Variants in ARID3A observed in about 807,000 individuals in gnomAD.
The protein encoded by ARID3A is AT-rich interaction domain 3A, also known as AT-rich interactive domain-containing protein 3A.
Under a neutral mutation model 52.7 loss-of-function variants are expected in ARID3A, and 11 were observed. The observed-to-expected ratio is 0.21, with a 90% CI of 0.13 to 0.35. ARID3A has a LOEUF of 0.35. Ranked by LOEUF, ARID3A falls within the 10% of genes least tolerant of loss-of-function variation. ARID3A has a pLI of 1.00. For synonymous variants in ARID3A, 404 were observed against 359.4 expected, an observed-to-expected ratio of 1.12 and a Z score of -1.40; for missense variants, 721 against 838.5, an observed-to-expected ratio of 0.86 and a Z score of 1.73.
chr19:963,257 C>T (rs1599422436), intron 4 of ARID3A, among the ~76,000 whole-genome samples: 4 of 152,248 alleles, frequency 2.6e-5, no homozygotes, highest in African/African-American at 9.6e-5. Flanking sequence ...TGGGCAGCAG[C>T]TATGGCCTGG....
intron 1 of ARID3A, among the ~76,000 whole-genome samples, chr19:927,286 G>A (rs1038392486): frequency 6.6e-6 from 1 of 152,102 alleles, no homozygotes; most frequent in Admixed American, 6.5e-5. Context: ...CATAAAATGG[G>A]GGTGGGGGTC....
chr19:960,264 C>T lies in ARID3A; in HGVS notation c.766+100C>T, dbSNP rs371357347. On this transcript the variant is annotated intron_variant, in intron 4 of 8. Transcript: ENST00000263620. This position sits in a 1 kb window ranked among gnomAD's most constrained non-coding sequence, Gnocchi z 4.3. Reference sequence around the variant, plus strand: ...GGTATGTCGGGGCGGTGGTGAGCACCCCGTGGCTGGAGGCATCCAAGGCTC... The same window carrying T: ...GGTATGTCGGGGCGGTGGTGAGCACTCCGTGGCTGGAGGCATCCAAGGCTC... 73 of 1,171,400 alleles carry T rather than the reference C, an allele frequency of 6.2e-5. No individual in the cohort carries two copies. In the African/African-American group the frequency reaches 9.3e-4, roughly 15 times the overall value. 72.6% of individuals were successfully genotyped at this position (1,171,400 alleles called of 1,614,324 possible).
intron 3 of ARID3A, among the ~76,000 whole-genome samples, chr19:948,442 G>C (rs559539190): frequency 3.2e-4 from 49 of 152,216 alleles, no homozygotes; most frequent in Admixed American, 1.5e-3. Context: ...GCGGTCCTGC[G>C]GGGCCACAGC....
chr19:940,325 G>A (rs896177674), intron 3 of ARID3A, among the ~76,000 whole-genome samples: 52 of 152,120 alleles, frequency 3.4e-4, no homozygotes, highest in Non-Finnish European at 1.5e-4. Context: ...AACTCTCATC[G>A]TGCGCTAAGA....
At chr19:932,849 T>A in intron 3 of ARID3A, 107 bp downstream of exon 3, 1 of 1,492,754 alleles carries the variant, frequency 6.7e-7, no homozygotes, top group Non-Finnish European at 8.8e-7. Flanking sequence ...GGCGTCGAGT[T>A]GAGAGCTGGG....
At chr19:945,845 G>A (rs781355535) in intron 3 of ARID3A, among the ~76,000 whole-genome samples, 6 of 152,210 alleles carry the variant, frequency 3.9e-5, no homozygotes, top group Non-Finnish European at 7.3e-5. Context: ...AACCTGGGCT[G>A]GGAGTGATGG....
chr19:953,973 C>T (rs1165474436), intron 3 of ARID3A, among the ~76,000 whole-genome samples: 1 of 152,068 alleles, frequency 6.6e-6, no homozygotes, highest in Admixed American at 6.6e-5. Flanking sequence ...CTCAGGAGAC[C>T]GAGGTGGGAG....
At position 944,729 on chromosome 19, in the gene ARID3A, G is replaced by T. The variant is rs1192887696; in HGVS notation, c.693+11987G>T. ...CAGCCTCGACCTCCCGGGCTCCGGT[G>T]ATCTTCCCGTGTCAGCCTCCTGAGT... On this transcript the variant is annotated intron_variant, in intron 3 of 8. Transcript: ENST00000263620. The surrounding 1 kb of genome is among the most constrained non-coding windows in gnomAD (Gnocchi z 5.9). Among the ~76,000 whole-genome samples the T allele has an allele frequency of 2.0e-5, 3 of 152,156 alleles. No individual in the cohort carries two copies. Among genetic ancestry groups the T allele is most frequent in the Admixed American group, 6.5e-5 (1 of 15,272 alleles).
rs1350277434 is a variant in ARID3A at position 972,136 on chromosome 19, C to T, written c.*71C>T. 7.1e-7 allele frequency: 1 copy of T among 1,403,338 alleles called. No homozygotes were observed. Among genetic ancestry groups the T allele is most frequent in the Non-Finnish European group, 9.4e-7 (1 of 1,061,314 alleles). 86.9% of individuals were successfully genotyped at this position (1,403,338 alleles called of 1,614,324 possible). A position where few individuals can be genotyped will look rare whatever the true frequency, so the allele number is the denominator to read the frequency against. ...GGGCAGGGGGTCCAGGTGGGCCACA[C>T]AGGGGCCAGGATGGCGGAAGATACG... On this transcript the variant is annotated 3_prime_UTR_variant, in exon 9 of 9. Coordinates refer to ENST00000263620, the MANE Select transcript of ARID3A (RefSeq NM_005224.3).
At chr19:970,498 C>CTTTTTTTTT (rs1177419405) in intron 8 of ARID3A, among the ~76,000 whole-genome samples, 2 of 88,346 alleles carry the variant, frequency 2.3e-5, no homozygotes, top group Non-Finnish European at 4.6e-5. Context: ...AATAGTTTTT[C>CTTTTTTTTT]TTTTTTTTTT....
At position 932,503 on chromosome 19, in the gene ARID3A, G is replaced by C. The variant is rs141023843; in HGVS notation, c.454G>C (p.Glu152Gln). The stretch of plus-strand genomic sequence containing the variant: ...GGAGGAGGATTACGAGGATGAGGAG[G>C]AGGAGGAGGACGAGGAGGGGCTGGG... ...EEEEDYEDEE[E>Q]EEDEEGLGPP... Residue 152 changes from glutamate to glutamine, a missense_variant, in exon 3 of 9, where the codon GAG becomes CAG. By Grantham distance (29) the Glu-to-Gln change is conservative. Transcript: ENST00000263620. The C allele has an allele frequency of 3.2e-5, 50 of 1,556,242 alleles. No individual in the cohort carries two copies. Among genetic ancestry groups the C allele is most frequent in the Non-Finnish European group, 4.1e-5 (48 of 1,156,710 alleles).
At chr19:955,917 G>C (rs998729337) in intron 3 of ARID3A, among the ~76,000 whole-genome samples, 2 of 152,118 alleles carry the variant, frequency 1.3e-5, no homozygotes, top group Admixed American at 1.3e-4. Context: ...GTCCAAAATC[G>C]AGGCGTCCGC....
rs1232099909 is a variant in ARID3A, at chr19:947,083, C to G, written c.694-13009C>G. The stretch of plus-strand genomic sequence containing the variant: ...GTGCTGGGATCAAAGGTGGGAGCCA[C>G]TGTGCCCAGCCCACACTGAGATTCT... On this transcript the variant is annotated intron_variant, in intron 3 of 8. Coordinates refer to ENST00000263620, the MANE Select transcript of ARID3A (RefSeq NM_005224.3). This position sits in a 1 kb window ranked among gnomAD's most constrained non-coding sequence, Gnocchi z 6.3. Among the ~76,000 whole-genome samples the G allele has an allele frequency of 6.6e-6, 1 of 152,090 alleles. No individual in the cohort carries two copies. Among genetic ancestry groups the G allele is most frequent in the African/African-American group, 2.4e-5 (1 of 41,406 alleles).
chr19:927,314 G>T (rs890554759), intron 1 of ARID3A, among the ~76,000 whole-genome samples: 13 of 151,104 alleles, frequency 8.6e-5, no homozygotes, highest in Admixed American at 2.6e-4. Flanking sequence ...AAGGGCTCTT[G>T]GGGGGAGGGG....
intron 3 of ARID3A, among the ~76,000 whole-genome samples, chr19:950,647 G>A (rs1020022387): frequency 2.0e-5 from 3 of 152,174 alleles, no homozygotes; most frequent in African/African-American, 7.2e-5. Context: ...GCAGGGGAGA[G>A]ACCTGGTTTG....
At position 929,482 on chromosome 19, in the gene ARID3A, G is replaced by A. The variant is rs747101369; in HGVS notation, c.-47G>A. The A allele has an allele frequency of 6.5e-6, 6 of 924,212 alleles. No homozygotes were observed. The highest frequency in any genetic ancestry group is 2.2e-5 in the South Asian group (1 of 45,804). The allele number at this position is 924,212 out of a possible 1,614,324, so 57.3% of individuals were successfully genotyped here. On this transcript the variant is annotated 5_prime_UTR_variant, in exon 2 of 9. In the 5' UTR this introduces an upstream ATG that the reference lacks. Transcript: ENST00000263620. The surrounding 1 kb of genome is among the most constrained non-coding windows in gnomAD (Gnocchi z 6.2). ...CCCCCGCCGCCCACCCCTAGCGCCC[G>A]TGGTGGTGGTGGTGGTGGTGGTGGT...
In ARID3A at chr19:929,483, T is replaced by C. The variant is rs770789456; in HGVS notation, c.-46T>C. On this transcript the variant is annotated 5_prime_UTR_variant, in exon 2 of 9. Transcript: ENST00000263620. This position sits in a 1 kb window ranked among gnomAD's most constrained non-coding sequence, Gnocchi z 6.2. ...CCCCGCCGCCCACCCCTAGCGCCCG[T>C]GGTGGTGGTGGTGGTGGTGGTGGTG... 9.5e-6 allele frequency: 7 copies of C among 737,652 alleles called. No homozygotes were observed. In the South Asian group the frequency reaches 1.6e-4, roughly 17 times the overall value. The allele number at this position is 737,652 out of a possible 1,614,324, so 45.7% of individuals were successfully genotyped here.
In ARID3A at chr19:941,987, G is replaced by A. The variant is rs10411830; in HGVS notation, c.693+9245G>A. ...CCCTGAAGCATGAGGTCGCGGTGGG[G>A]CCTATTAACCATTAGACCCCCGGGG... On this transcript the variant is annotated intron_variant, in intron 3 of 8. Transcript: ENST00000263620. The surrounding 1 kb of genome is among the most constrained non-coding windows in gnomAD (Gnocchi z 6.9). Among the ~76,000 whole-genome samples, 18,931 of 152,142 alleles carry A rather than the reference G, an allele frequency of 0.12. 1,552 individuals carry two copies. Among genetic ancestry groups the A allele is most frequent in the East Asian group, 0.45 (2,305 of 5,160 alleles).
chr19:973,104 AT>A lies in ARID3A; in HGVS notation c.*1060del, dbSNP rs56404084. On this transcript the variant is annotated 3_prime_UTR_variant, in exon 9 of 9. Transcript: ENST00000263620. ...GGGCTCTCGAGTCAGGGGCCTGGAA[AT>A]TTTTTTTTTTTTTTTTTTTTGAGAC... 1.2e-3 allele frequency: 66 copies of A among 53,670 alleles called. No homozygotes were observed. Among genetic ancestry groups the A allele is most frequent in the Middle Eastern group, 0.045 (2 of 44 alleles). 3.3% of individuals were successfully genotyped at this position (53,670 alleles called of 1,614,324 possible).
Sources: allele counts gnomAD v4.1 joint callset (sites outside exome capture counted in the v4.1 genomes callset), GRCh38; gene constraint gnomAD v4.1.1; non-coding constraint Gnocchi (gnomAD v3.1); transcripts MANE v1.5; gene names NCBI Gene and HGNC (gene_info 2026-07-23, HGNC 2026-07-21).